STK24: variants seen among roughly 807,000 people sequenced by gnomAD.
STK24 encodes serine/threonine-protein kinase 24.
STK24 carries 21 observed loss-of-function variants against 55.6 expected under a neutral mutation model. The observed-to-expected ratio is 0.38, with a 90% CI of 0.27 to 0.54. The LOEUF (loss-of-function observed/expected upper bound fraction) is 0.54, where lower values mean the gene tolerates loss of function less well. Among genes scored for constraint, STK24 ranks in the 20% least tolerant of loss-of-function variants. The pLI, the probability that STK24 is intolerant of heterozygous loss-of-function variation, is 0.79. For synonymous variants in STK24, 200 were observed against 215.2 expected (o/e 0.93, Z 0.62); for missense variants, 383 against 538.4 (o/e 0.71, Z 2.86).
chr13:98,469,541 C>CT (rs570400434), intron 5 of STK24, among the ~76,000 whole-genome samples: 7 of 135,670 alleles, frequency 5.2e-5, no homozygotes, highest in African/African-American at 1.3e-4. Context: ...GCATCCCCCC[C>CT]CCCAAAAAAA....
At chr13:98,547,766 G>C (rs1420347771) in intron 1 of STK24, among the ~76,000 whole-genome samples, 1 of 152,096 alleles carries the variant, frequency 6.6e-6, no homozygotes, top group Non-Finnish European at 1.5e-5. Context: ...AGTAAACTTC[G>C]CCTTATTACC....
chr13:98,464,243 C>T (rs1893840791), intron 6 of STK24, among the ~76,000 whole-genome samples: 1 of 151,842 alleles, frequency 6.6e-6, no homozygotes, highest in Admixed American at 6.6e-5. Flanking sequence ...TGGTGAAACC[C>T]CGTCTTTACT....
At position 98,450,766 on chromosome 13, in the gene STK24, G is replaced by A. The variant is rs1447438526; in HGVS notation, c.*2407C>T. ...GACGCTGAGGCAGGTTCCAGTGGTA[G>A]CCCTGGTGCCTGGGCTCTCTCTTAA... On this transcript the variant is annotated 3_prime_UTR_variant, in exon 11 of 11. Coordinates refer to ENST00000539966, the MANE Select transcript of STK24 (RefSeq NM_001032296.4). 2 of 152,282 alleles carry A rather than the reference G, an allele frequency of 1.3e-5. No homozygotes were observed. The highest frequency in any genetic ancestry group is 2.4e-5 in the African/African-American group (1 of 41,460). 9.4% of individuals were successfully genotyped at this position (152,282 alleles called of 1,614,324 possible). A position where few individuals can be genotyped will look rare whatever the true frequency, so the allele number is the denominator to read the frequency against.
intron 10 of STK24, 199 bp from the exon 11 acceptor site, chr13:98,453,408 C>T: frequency 1.7e-6 from 1 of 589,542 alleles, no homozygotes; most frequent in East Asian, 3.0e-5. Flanking sequence ...TACACAAAAA[C>T]TCCAGAGCAT....
chr13:98,538,118 C>T (rs1196484924), intron 1 of STK24, among the ~76,000 whole-genome samples: 1 of 151,968 alleles, frequency 6.6e-6, no homozygotes. Flanking sequence ...AACAAATCCT[C>T]ATCACTTCCA....
chr13:98,565,446 G>C (rs1041424024), intron 1 of STK24, among the ~76,000 whole-genome samples: 1 of 151,906 alleles, frequency 6.6e-6, no homozygotes, highest in Non-Finnish European at 1.5e-5. Context: ...TGGCCAACAG[G>C]GCAAACAAAA....
At chr13:98,476,613 T>C (rs985615343) in intron 3 of STK24, among the ~76,000 whole-genome samples, 2 of 152,232 alleles carry the variant, frequency 1.3e-5, no homozygotes, top group Admixed American at 1.3e-4. Context: ...CCGACAGTCC[T>C]TGCGTGCCTC....
intron 2 of STK24, among the ~76,000 whole-genome samples, chr13:98,499,317 A>G (rs1249394046): frequency 6.6e-6 from 1 of 152,022 alleles, no homozygotes; most frequent in Non-Finnish European, 1.5e-5. Context: ...CATTTCCCAG[A>G]CGCACGGCAG....
chr13:98,507,458 A>T (rs1348821411), intron 2 of STK24, among the ~76,000 whole-genome samples: 1 of 152,202 alleles, frequency 6.6e-6, no homozygotes, highest in Non-Finnish European at 1.5e-5. Flanking sequence ...GTAGAAGAAA[A>T]GGAAATCACT....
intron 1 of STK24, among the ~76,000 whole-genome samples, chr13:98,568,869 G>A (rs1313454009): frequency 4.6e-5 from 7 of 151,328 alleles, no homozygotes; most frequent in South Asian, 4.2e-4. Context: ...ACTCCATCTC[G>A]AAAAACAAAA....
intron 2 of STK24, among the ~76,000 whole-genome samples, chr13:98,498,094 G>C (rs1895316166): frequency 6.6e-6 from 1 of 152,224 alleles, no homozygotes; most frequent in Admixed American, 6.5e-5. Flanking sequence ...ATCTTAAGAT[G>C]CTAATGATGT....
At chr13:98,499,715 C>T (rs1457331173) in intron 2 of STK24, among the ~76,000 whole-genome samples, 2 of 152,144 alleles carry the variant, frequency 1.3e-5, no homozygotes, top group African/African-American at 2.4e-5. Context: ...GAAGGACCAG[C>T]GGAAGCACTG....
intron 1 of STK24, among the ~76,000 whole-genome samples, chr13:98,536,532 C>T (rs1896740459): frequency 2.0e-5 from 3 of 151,876 alleles, no homozygotes; most frequent in African/African-American, 7.3e-5. Flanking sequence ...GCCTGGCTGA[C>T]TGTTATTTTA....
chr13:98,535,164 C>T (rs1896681338), intron 1 of STK24, among the ~76,000 whole-genome samples: 2 of 151,918 alleles, frequency 1.3e-5, no homozygotes, highest in Non-Finnish European at 2.9e-5. Context: ...GCCTGACCAG[C>T]GTGTATTTAC....
chr13:98,560,730 A>C (rs531451983), intron 1 of STK24, among the ~76,000 whole-genome samples: 8 of 151,794 alleles, frequency 5.3e-5, no homozygotes, highest in Non-Finnish European at 1.0e-4. Flanking sequence ...AATACAAAAA[A>C]ATTAGGTGGG....
chr13:98,528,884 G>C (rs1010266667), intron 1 of STK24, among the ~76,000 whole-genome samples: 5 of 152,174 alleles, frequency 3.3e-5, no homozygotes, highest in African/African-American at 1.2e-4. Context: ...ACTGGAGCGG[G>C]CGGGAGGATG....
rs1893498584 is a variant in STK24, at chr13:98,457,165, T to C, written c.1259+3A>G. The C allele has an allele frequency of 1.2e-6, 2 of 1,609,950 alleles. No homozygotes were observed. Among genetic ancestry groups the C allele is most frequent in the Non-Finnish European group, 1.7e-6 (2 of 1,179,032 alleles). On this transcript the variant is annotated splice_donor_region_variant and intron_variant, in intron 10 of 10. Transcript: ENST00000539966. ...CCAGCCCAGAGGGGCCCTGGGTAGT[T>C]ACCTCTGGAGCCGCTGCACGAGCTG...
chr13:98,494,428 AGT>A (rs1895170734), intron 2 of STK24, among the ~76,000 whole-genome samples: 5 of 148,880 alleles, frequency 3.4e-5, no homozygotes, highest in Non-Finnish European at 3.0e-5. Flanking sequence ...AAAAAAAAAA[AGT>A]GCCTCTAACA....
Position 98,576,925 on chromosome 13 carries a change from TC to T in STK24, c.-140del. 2.6e-6 allele frequency: 1 copy of T among 378,344 alleles called. No homozygotes were observed. The highest frequency in any genetic ancestry group is 3.6e-6 in the Non-Finnish European group (1 of 279,588). 23.4% of individuals were successfully genotyped at this position (378,344 alleles called of 1,614,324 possible). A position where few individuals can be genotyped will look rare whatever the true frequency, so the allele number is the denominator to read the frequency against. ...CCGAGGCCACCCCAGCCCTGGCGGG[TC>T]CCGGCCGGGCGGCGGGGGCTCAGCG... is the stretch of plus-strand genomic sequence containing the variant. On this transcript the variant is annotated 5_prime_UTR_variant, in exon 1 of 11. Transcript: ENST00000539966.
Sources: allele counts gnomAD v4.1 joint callset (sites outside exome capture counted in the v4.1 genomes callset), GRCh38; gene constraint gnomAD v4.1.1; transcripts MANE v1.5; gene names NCBI Gene and HGNC (gene_info 2026-07-23, HGNC 2026-07-21).